PAN3: variants seen among roughly 807,000 people sequenced by gnomAD.
PAN3 encodes PAN2-PAN3 deadenylation complex subunit PAN3.
A neutral mutation model predicts 96.2 loss-of-function variants in PAN3; 19 were observed. That is an observed-to-expected ratio of 0.20 (90% CI 0.14 to 0.29). PAN3 has a LOEUF of 0.29. Ranked by LOEUF, PAN3 falls within the 10% of genes least tolerant of loss-of-function variation. PAN3 has a pLI of 1.00. For synonymous variants in PAN3, 433 were observed against 406.6 expected, an observed-to-expected ratio of 1.06 and a Z score of -0.78; for missense variants, 882 against 1,108.1, an observed-to-expected ratio of 0.80 and a Z score of 2.90.
intron 9 of PAN3, among the ~76,000 whole-genome samples, chr13:28,262,515 A>G (rs1885825152): frequency 6.6e-6 from 1 of 152,244 alleles, no homozygotes; most frequent in African/African-American, 2.4e-5. Flanking sequence ...TAAGGTGGGA[A>G]GGAACTTACT....
intron 14 of PAN3, among the ~76,000 whole-genome samples, chr13:28,274,109 A>C (rs1179161417): frequency 6.6e-6 from 1 of 152,138 alleles, no homozygotes; most frequent in Non-Finnish European, 1.5e-5. Flanking sequence ...AGCAGCAGCC[A>C]AGCTGTTCTG....
At chr13:28,206,038 T>G (rs573339072) in intron 5 of PAN3, among the ~76,000 whole-genome samples, 20 of 152,230 alleles carry the variant, frequency 1.3e-4, no homozygotes, top group Admixed American at 9.8e-4. Flanking sequence ...TCAATATTAC[T>G]CTTATTTCTC....
intron 18 of PAN3, among the ~76,000 whole-genome samples, chr13:28,290,608 G>C (rs1477268134): frequency 6.6e-6 from 1 of 152,150 alleles, no homozygotes; most frequent in African/African-American, 2.4e-5. Context: ...TTGAACCCCA[G>C]GAGGCAGAGG....
chr13:28,243,219 A>G (rs923329927), intron 6 of PAN3, among the ~76,000 whole-genome samples: 1 of 152,136 alleles, frequency 6.6e-6, no homozygotes, highest in African/African-American at 2.4e-5. Flanking sequence ...AATGTTTTTG[A>G]TATTTCCCTA....
chr13:28,267,232 C>A, intron 11 of PAN3, 21 bp downstream of exon 11: 1 of 1,611,394 alleles, frequency 6.2e-7, no homozygotes, highest in South Asian at 1.1e-5. Context: ...TGTAATTTGT[C>A]TTTCTGCTGG....
chr13:28,285,424 A>G (rs1345198656), intron 17 of PAN3, among the ~76,000 whole-genome samples: 1 of 151,980 alleles, frequency 6.6e-6, no homozygotes, highest in African/African-American at 2.4e-5. Flanking sequence ...CCTTCCTCCA[A>G]GCTTTTGGGT....
At chr13:28,229,484 A>G (rs1167692050) in intron 6 of PAN3, among the ~76,000 whole-genome samples, 1 of 152,232 alleles carries the variant, frequency 6.6e-6, no homozygotes, top group Non-Finnish European at 1.5e-5. Context: ...GTATTGAACC[A>G]GAATACACTG....
chr13:28,225,636 GC>G (rs1881915538), intron 6 of PAN3, among the ~76,000 whole-genome samples: 1 of 152,162 alleles, frequency 6.6e-6, no homozygotes, highest in Non-Finnish European at 1.5e-5. Context: ...AAGGCAGCCA[GC>G]CCAGTGTACA....
At chr13:28,169,373 G>A (rs148415655) in intron 1 of PAN3, among the ~76,000 whole-genome samples, 1 of 151,184 alleles carries the variant, frequency 6.6e-6, no homozygotes, top group Non-Finnish European at 1.5e-5. Context: ...GGTCTTACAG[G>A]TGCCCACCAC....
chr13:28,171,761 T>C (rs1163418646), intron 1 of PAN3, among the ~76,000 whole-genome samples: 1 of 152,190 alleles, frequency 6.6e-6, no homozygotes, highest in Non-Finnish European at 1.5e-5. Flanking sequence ...TTATGGACGC[T>C]TCATCTCGCA....
intron 6 of PAN3, among the ~76,000 whole-genome samples, chr13:28,252,766 A>C (rs896279884): frequency 1.3e-5 from 2 of 149,498 alleles, no homozygotes; most frequent in Middle Eastern, 3.5e-3. Context: ...AGTAAATGAC[A>C]AAAAAAAATA....
intron 7 of PAN3, among the ~76,000 whole-genome samples, chr13:28,257,691 AAT>A (rs1173384487): frequency 9.3e-5 from 13 of 140,160 alleles, no homozygotes; most frequent in East Asian, 2.0e-4. Context: ...AAATTATATA[AAT>A]ATATATTATA....
At chr13:28,161,484 G>A (rs1872872880) in intron 1 of PAN3, among the ~76,000 whole-genome samples, 1 of 152,150 alleles carries the variant, frequency 6.6e-6, no homozygotes, top group Admixed American at 6.5e-5. Flanking sequence ...GATTAGGACT[G>A]CCCTAATGAC....
At chr13:28,248,990 T>G (rs1884463032) in intron 6 of PAN3, among the ~76,000 whole-genome samples, 1 of 152,230 alleles carries the variant, frequency 6.6e-6, no homozygotes, top group Non-Finnish European at 1.5e-5. Context: ...CTTTATTAAA[T>G]ATATGATTTG....
chr13:28,176,641 T>C, intron 3 of PAN3, 82 bp downstream of exon 3: 2 of 1,384,244 alleles, frequency 1.4e-6, no homozygotes, highest in South Asian at 2.5e-5. Flanking sequence ...TTGTAGAAAT[T>C]TTGAAAATTG....
At chr13:28,281,768 T>A (rs1273196075) in intron 17 of PAN3, among the ~76,000 whole-genome samples, 2 of 3,134 alleles carry the variant, frequency 6.4e-4, no homozygotes, top group African/African-American at 2.1e-3. Flanking sequence ...AAAGCACACT[T>A]TTTTTTTTTT....
chr13:28,149,069 A>C (rs953661689), intron 1 of PAN3, among the ~76,000 whole-genome samples: 2 of 151,764 alleles, frequency 1.3e-5, no homozygotes, highest in Admixed American at 6.6e-5. Flanking sequence ...AAAAAAAAAC[A>C]CTGTGTGGGG....
intron 7 of PAN3, among the ~76,000 whole-genome samples, chr13:28,259,026 A>G (rs1302035901): frequency 6.6e-6 from 1 of 152,178 alleles, no homozygotes; most frequent in Non-Finnish European, 1.5e-5. Context: ...GAACCCAGGG[A>G]TACAGAAGGC....
At position 28,272,007 on chromosome 13, in the gene PAN3, T is replaced by C. The variant is rs1424513837; in HGVS notation, c.1985T>C (p.Phe662Ser). 6.3e-7 allele frequency: 1 copy of C among 1,588,634 alleles called. No individual in the cohort carries two copies. Among genetic ancestry groups the C allele is most frequent in the Non-Finnish European group, 8.6e-7 (1 of 1,163,156 alleles). Reference sequence around the variant, plus strand: ...TTGCGAGTAAATTGTGTTGGAGTTTTTGATGTTTTAACATTTGATAACAGT... The same window carrying C: ...TTGCGAGTAAATTGTGTTGGAGTTTCTGATGTTTTAACATTTGATAACAGT... The part of the protein sequence containing the change: ...TRLRVNCVGV[F>S]DVLTFDNSQN... Residue 662 changes from phenylalanine (F) to serine (S), a missense_variant, in exon 14 of 19, where the codon TTT (phenylalanine) becomes TCT (serine). Phe to Ser is a radical substitution (Grantham distance 155, BLOSUM62 -2). Around this residue, in one of 3 missense-constraint regions of PAN3, gnomAD observed 364 missense variants for 513.6 expected, o/e 0.71. Transcript: ENST00000380958.
Sources: allele counts gnomAD v4.1 joint callset (sites outside exome capture counted in the v4.1 genomes callset), GRCh38; gene constraint gnomAD v4.1.1; regional missense constraint gnomAD v4.1.1; transcripts MANE v1.5; gene names NCBI Gene and HGNC (gene_info 2026-07-23, HGNC 2026-07-21).